BABAM2: variants seen among roughly 807,000 people sequenced by gnomAD.
The protein encoded by BABAM2 is BRISC and BRCA1 A complex member 2.
In BABAM2, 31 loss-of-function variants were observed where a neutral mutation model predicts 54.7. The observed-to-expected ratio is 0.57, with a 90% CI of 0.43 to 0.77. The LOEUF (loss-of-function observed/expected upper bound fraction) is 0.77. Among genes scored for constraint, BABAM2 ranks in the 30% least tolerant of loss-of-function variants. The pLI is 0.00. For synonymous variants in BABAM2, 167 were observed against 162.9 expected (o/e 1.03, Z -0.19); for missense variants, 364 against 455.8 (o/e 0.80, Z 1.83).
intron 10 of BABAM2, among the ~76,000 whole-genome samples, chr2:28,294,968 A>G (rs74649271): frequency 6.6e-6 from 1 of 152,340 alleles, no homozygotes; most frequent in East Asian, 1.9e-4. Flanking sequence ...ATAATAATGT[A>G]ATCAATGCTT....
intron 6 of BABAM2, among the ~76,000 whole-genome samples, chr2:28,049,538 T>G (rs1371864966): frequency 6.6e-6 from 1 of 152,154 alleles, no homozygotes; most frequent in Admixed American, 6.5e-5. Context: ...TTCATCCTGA[T>G]GGATTGCATG....
intron 7 of BABAM2, among the ~76,000 whole-genome samples, chr2:28,148,514 C>A (rs531587735): frequency 8.5e-5 from 13 of 152,336 alleles, no homozygotes; most frequent in South Asian, 4.1e-4. Flanking sequence ...ACATGCAGAA[C>A]CACATTTTGG....
intron 4 of BABAM2, chr2:28,016,230 C>T (rs1466183589): frequency 6.1e-5 from 56 of 916,552 alleles, no homozygotes; most frequent in East Asian, 3.5e-4. Flanking sequence ...GATGAGCTCT[C>T]ACTTGCACTT....
intron 3 of BABAM2, among the ~76,000 whole-genome samples, chr2:27,972,153 TA>T (rs1671267043): frequency 6.6e-6 from 1 of 152,184 alleles, no homozygotes; most frequent in South Asian, 2.1e-4. Context: ...AAGAATCACG[TA>T]GCTTAATTTC....
chr2:28,199,819 A>G (rs749283662), intron 7 of BABAM2, among the ~76,000 whole-genome samples: 2 of 152,190 alleles, frequency 1.3e-5, no homozygotes, highest in Non-Finnish European at 2.9e-5. Context: ...CATTGTTGAC[A>G]GGTATGGAAC....
Position 28,006,835 on chromosome 2 carries a change from GTA to G in BABAM2, c.301-18387_301-18386del, listed in dbSNP as rs1391086931. On this transcript the variant is annotated intron_variant, in intron 4 of 11. Coordinates refer to ENST00000379624, the MANE Select transcript of BABAM2 (RefSeq NM_199191.3). ...TCTGTATACGATATATTTAATGTGT[GTA>G]TATTAATGTTAGGTGTCATATATAA... Among the ~76,000 whole-genome samples the G allele has an allele frequency of 2.6e-5, 4 of 151,924 alleles. No individual in the cohort carries two copies. The South Asian group carries it at 8.3e-4, about 31-fold the overall frequency.
intron 10 of BABAM2, among the ~76,000 whole-genome samples, chr2:28,296,827 A>G (rs1329174475): frequency 6.6e-6 from 1 of 152,096 alleles, no homozygotes; most frequent in African/African-American, 2.4e-5. Context: ...AGCTGGGATT[A>G]TAGGTGCTTG....
At chr2:28,314,754 T>C (rs1689369361) in intron 11 of BABAM2, among the ~76,000 whole-genome samples, 2 of 151,142 alleles carry the variant, frequency 1.3e-5, no homozygotes, top group African/African-American at 4.9e-5. Context: ...GAAAGAGCAC[T>C]AGGAGTCGAG....
chr2:27,997,156 A>G (rs906472268), intron 4 of BABAM2, among the ~76,000 whole-genome samples: 4 of 152,218 alleles, frequency 2.6e-5, no homozygotes, highest in Admixed American at 6.5e-5. Context: ...TAAAATGAAG[A>G]TAACTGTACT....
intron 6 of BABAM2, among the ~76,000 whole-genome samples, chr2:28,113,279 T>C (rs2148732753): frequency 6.6e-6 from 1 of 152,330 alleles, no homozygotes; most frequent in South Asian, 2.1e-4. Flanking sequence ...TCTTTGCCCA[T>C]GCCTGTGTCC....
chr2:28,043,755 G>C (rs112782015), intron 5 of BABAM2, among the ~76,000 whole-genome samples: 1 of 152,178 alleles, frequency 6.6e-6, no homozygotes, highest in African/African-American at 2.4e-5. Context: ...ATCTTGGACT[G>C]TAACAGAAGG....
At chr2:28,224,849 G>GAAAAAAAAAAAAA (rs1406843262) in intron 7 of BABAM2, among the ~76,000 whole-genome samples, 1 of 60,372 alleles carries the variant, frequency 1.7e-5, no homozygotes, top group African/African-American at 5.8e-5. Context: ...ACGGTAAATT[G>GAAAAAAAAAAAAA]ACAAAAAAAA....
chr2:28,009,158 G>C (rs1674201981), intron 4 of BABAM2, among the ~76,000 whole-genome samples: 1 of 152,118 alleles, frequency 6.6e-6, no homozygotes, highest in Non-Finnish European at 1.5e-5. Flanking sequence ...GTGGGTGCCT[G>C]AACCTGACTC....
intron 7 of BABAM2, among the ~76,000 whole-genome samples, chr2:28,154,947 G>A (rs1021569755): frequency 2.6e-5 from 4 of 152,064 alleles, no homozygotes; most frequent in Non-Finnish European, 4.4e-5. Context: ...ACCCTGTTTT[G>A]TATCTCCGTG....
rs190264865 is a variant in BABAM2 at position 28,121,888 on chromosome 2, T to A, written c.571-7383T>A. Among the ~76,000 whole-genome samples, 19 of 152,262 alleles carry A rather than the reference T, an allele frequency of 1.2e-4. No homozygotes were observed. The South Asian group carries it at 1.5e-3, about 12-fold the overall frequency. On this transcript the variant is annotated intron_variant, in intron 6 of 11. Transcript: ENST00000379624. Reference sequence around the variant, plus strand: ...CACTTTGTATATTTTAAAATAGGATTCTGTTTTGCAAATTTGCATATAGTT... The same window carrying A: ...CACTTTGTATATTTTAAAATAGGATACTGTTTTGCAAATTTGCATATAGTT...
chr2:28,251,604 A>G (rs1384379115), intron 10 of BABAM2, among the ~76,000 whole-genome samples: 1 of 152,244 alleles, frequency 6.6e-6, no homozygotes, highest in East Asian at 1.9e-4. Flanking sequence ...TCGTCGTAGA[A>G]TATTTAGCAC....
chr2:28,013,364 A>T (rs1261319478), intron 4 of BABAM2: 1 of 455,810 alleles, frequency 2.2e-6, no homozygotes, highest in South Asian at 1.5e-5. Context: ...AGTTTGGCTT[A>T]CCTAGCAACT....
intron 7 of BABAM2, among the ~76,000 whole-genome samples, chr2:28,152,106 C>T (rs1295404803): frequency 6.6e-6 from 1 of 152,196 alleles, no homozygotes; most frequent in Non-Finnish European, 1.5e-5. Flanking sequence ...GGCCTTTAAG[C>T]TATAACATTC....
chr2:28,179,366 AGTGAAG>A (rs1415476966), intron 7 of BABAM2, among the ~76,000 whole-genome samples: 2 of 152,166 alleles, frequency 1.3e-5, no homozygotes, highest in Non-Finnish European at 2.9e-5. Flanking sequence ...CCATCATCAG[AGTGAAG>A]GACAGTAGCC....
Sources: allele counts gnomAD v4.1 joint callset (sites outside exome capture counted in the v4.1 genomes callset), GRCh38; gene constraint gnomAD v4.1.1; transcripts MANE v1.5; gene names NCBI Gene and HGNC (gene_info 2026-07-23, HGNC 2026-07-21).